The following ULBP2 variants were observed in gnomAD, a reference collection of about 807,000 sequenced individuals.
ULBP2 encodes the protein UL16 binding protein 2.
ULBP2 carries 21 observed loss-of-function variants against 23.6 expected under a neutral mutation model. The observed-to-expected ratio is 0.89, with a 90% CI of 0.63 to 1.28. ULBP2 has a LOEUF of 1.28. Among genes scored for constraint, ULBP2 ranks in the 50% most tolerant of loss-of-function variants. The pLI, the probability that ULBP2 is intolerant of heterozygous loss-of-function variation, is 0.00. For synonymous variants in ULBP2, 82 were observed against 112.8 expected (o/e 0.73, Z 1.73); for missense variants, 251 against 306.0 (o/e 0.82, Z 1.34).
Position 149,947,203 on chromosome 6 carries a change from G to C in ULBP2, c.632-117G>C, listed in dbSNP as rs1039063599. On this transcript the variant is annotated intron_variant, in intron 3 of 4. Coordinates refer to ENST00000367351, the MANE Select transcript of ULBP2 (RefSeq NM_025217.4). ...TGTCATACTGGCTGCCCCACACCAG[G>C]GGGGAGAGGACAAAACTTTTGCCTT... 112 of 1,587,956 alleles carry C rather than the reference G, an allele frequency of 7.1e-5. 4 individuals are homozygous for C. The South Asian group carries it at 7.9e-4, about 11-fold the overall frequency.
In ULBP2 at chr6:149,945,457, G is replaced by A. The variant is rs761441280; in HGVS notation, c.234G>A (p.Gly78=). 6.2e-7 allele frequency: 1 copy of A among 1,614,024 alleles called. No homozygotes were observed. The highest frequency in any genetic ancestry group is 8.5e-7 in the Non-Finnish European group (1 of 1,179,886). ...CAGTCACACCTGTCAGTCCCCTGGGGAAGAAACTAAATGTCACAACGGCCT... is the reference window on the plus strand; with the variant it reads ...CAGTCACACCTGTCAGTCCCCTGGGAAAGAAACTAAATGTCACAACGGCCT... ...NKTVTPVSPL[G]KKLNVTTAWK... The change falls in exon 2 of 5, where the codon GGG becomes GGA. Residue 78 remains glycine (G), a synonymous_variant. Transcript: ENST00000367351.
intron 4 of ULBP2, among the ~76,000 whole-genome samples, chr6:149,948,310 CAAG>C (rs1431917217): frequency 1.3e-5 from 2 of 152,144 alleles, no homozygotes; most frequent in East Asian, 3.9e-4. Flanking sequence ...AGGAGAGGCT[CAAG>C]AAGAAGGGGA....
At position 149,945,564 on chromosome 6, in the gene ULBP2, C is replaced by T. The variant is rs78868048; in HGVS notation, c.341C>T (p.Thr114Ile). ...QLRDIQLENYTPKEPLTLQAR... is the reference protein window; with the variant it reads ...QLRDIQLENYIPKEPLTLQAR... ...CGTGACATTCAGCTGGAGAATTACACACCCAAGGGTAAGTTTCAGATGGCC... is the reference window on the plus strand; with the variant it reads ...CGTGACATTCAGCTGGAGAATTACATACCCAAGGGTAAGTTTCAGATGGCC... Residue 114 changes from threonine to isoleucine, a missense_variant, in exon 2 of 5, where the codon ACA (threonine) becomes ATA (isoleucine). This residue lies in a region of ULBP2 where 248 missense variants were observed against 258.9 expected (regional missense o/e 0.96). Transcript: ENST00000367351. The T allele has an allele frequency of 6.5e-4, 1,046 of 1,613,804 alleles. 4 individuals are homozygous for T. The African/African-American group carries it at 0.013, about 19-fold the overall frequency.
At position 149,945,395 on chromosome 6, in the gene ULBP2, GAA is replaced by G. The variant is rs1272766039; in HGVS notation, c.175_176del (p.Lys59AspfsTer6). On this transcript the variant is annotated frameshift_variant, in exon 2 of 5. Transcript: ENST00000367351. LOFTEE classifies it high-confidence loss of function. ...GTGTGCGGTTCAAGGCCAGGTGGAT[GAA>G]AAGACTTTTCTTCACTATGACTGTG... Reference protein sequence around the residue: ...RWCAVQGQVDEKTFLHYDCGN... With the variant: ...RWCAVQGQVDXKTFLHYDCGN... 6.2e-6 allele frequency: 10 copies of G among 1,613,524 alleles called. No homozygotes were observed. Among genetic ancestry groups the G allele is most frequent in the Non-Finnish European group, 7.6e-6 (9 of 1,179,880 alleles).
In ULBP2 at chr6:149,946,381, C is replaced by T; in HGVS notation, c.359C>T (p.Thr120Ile). Residue 120 changes from threonine to isoleucine, a missense_variant, in exon 3 of 5, where the codon ACC (threonine) becomes ATC (isoleucine). Physicochemically the swap from Thr to Ile is moderately conservative, Grantham distance 89. Transcript: ENST00000367351. ...TCTCTGATGGGGGCAGAACCCCTCA[C>T]CCTGCAGGCAAGGATGTCTTGTGAG... ...LENYTPKEPL[T>I]LQARMSCEQK... 1.2e-6 allele frequency: 2 copies of T among 1,613,090 alleles called. No individual in the cohort carries two copies. Among genetic ancestry groups the T allele is most frequent in the Non-Finnish European group, 1.7e-6 (2 of 1,179,234 alleles).
At chr6:149,947,119 C>A (rs1320126331) in intron 3 of ULBP2, among the ~76,000 whole-genome samples, 2 of 151,996 alleles carry the variant, frequency 1.3e-5, no homozygotes, top group African/African-American at 2.4e-5. Context: ...CTTCCCTCAG[C>A]AGCTGTGTGA....
At chr6:149,948,691 C>A (rs1778979560) in intron 4 of ULBP2, 32 bp from the exon 5 acceptor site, 1 of 456,560 alleles carries the variant, frequency 2.2e-6, no homozygotes, top group Admixed American at 2.3e-5. Flanking sequence ...GGTTCTCTGC[C>A]CCTTAAACCA....
At chr6:149,945,800 G>A (rs1213257371) in intron 2 of ULBP2, among the ~76,000 whole-genome samples, 1 of 152,160 alleles carries the variant, frequency 6.6e-6, no homozygotes, top group Admixed American at 6.5e-5. Flanking sequence ...AATTAGCCAG[G>A]CATGGTGGCG....
At chr6:149,943,639 C>T (rs941338675) in intron 1 of ULBP2, among the ~76,000 whole-genome samples, 7 of 151,940 alleles carry the variant, frequency 4.6e-5, no homozygotes, top group Non-Finnish European at 1.0e-4. Flanking sequence ...GCTCTGAGGC[C>T]TTCAGCAATA....
chr6:149,945,400 G>T lies in ULBP2; in HGVS notation c.177G>T (p.Lys59Asn). The T allele has an allele frequency of 1.2e-6, 2 of 1,613,762 alleles. No homozygotes were observed. Among genetic ancestry groups the T allele is most frequent in the South Asian group, 1.1e-5 (1 of 91,072 alleles). ...WCAVQGQVDE[K>N]TFLHYDCGNK... is the part of the protein sequence containing the mutation. ...CGGTTCAAGGCCAGGTGGATGAAAA[G>T]ACTTTTCTTCACTATGACTGTGGCA... is the stretch of plus-strand genomic sequence containing the variant. The change falls in exon 2 of 5, where the codon AAG (lysine) becomes AAT (asparagine). Residue 59 changes from lysine to asparagine, a missense_variant. Physicochemically the swap from Lys to Asn is moderately conservative, Grantham distance 94. Transcript: ENST00000367351.
chr6:149,944,201 G>A (rs1177719791), intron 1 of ULBP2, among the ~76,000 whole-genome samples: 3 of 152,054 alleles, frequency 2.0e-5, no homozygotes, highest in Admixed American at 6.5e-5. Context: ...AAGCAGCCTC[G>A]TTCTTGATGG....
Position 149,946,510 on chromosome 6 carries a change from C to T in ULBP2, c.488C>T (p.Pro163Leu). ...AAGAGAATGTGGACAACGGTTCATC[C>T]TGGAGCCAGAAAGATGAAAGAAAAG... is the stretch of plus-strand genomic sequence containing the variant. The part of the protein sequence containing the change: ...SEKRMWTTVH[P>L]GARKMKEKWE... Residue 163 changes from proline to leucine, a missense_variant, in exon 3 of 5, where the codon CCT (proline) becomes CTT (leucine). By Grantham distance (98) the Pro-to-Leu change is moderately conservative. Coordinates refer to ENST00000367351, the MANE Select transcript of ULBP2 (RefSeq NM_025217.4). 1 of 1,614,132 alleles carries T rather than the reference C, an allele frequency of 6.2e-7. No individual in the cohort carries two copies. Among genetic ancestry groups the T allele is most frequent in the Non-Finnish European group, 8.5e-7 (1 of 1,180,030 alleles).
chr6:149,948,909 C>T lies in ULBP2; in HGVS notation c.*209C>T, dbSNP rs1486134167. The T allele has an allele frequency of 6.4e-5, 22 of 344,786 alleles. No homozygotes were observed. The highest frequency in any genetic ancestry group is 9.2e-5 in the Non-Finnish European group (16 of 173,246). 21.4% of individuals were successfully genotyped at this position (344,786 alleles called of 1,614,324 possible). A position where few individuals can be genotyped will look rare whatever the true frequency, so the allele number is the denominator to read the frequency against. On this transcript the variant is annotated 3_prime_UTR_variant, in exon 5 of 5. Transcript: ENST00000367351. ...GCCAACAATTTTACCAGCAGTTATA[C>T]CTAACATATTATGCAATTTTCTCTT...
chr6:149,946,966 C>T (rs1167911078), intron 3 of ULBP2, among the ~76,000 whole-genome samples: 2 of 152,138 alleles, frequency 1.3e-5, no homozygotes, highest in Admixed American at 6.5e-5. Flanking sequence ...TTGAGAATCA[C>T]TTTTCCTTTC....
At chr6:149,947,979 C>G (rs1156740504) in intron 4 of ULBP2, among the ~76,000 whole-genome samples, 4 of 152,230 alleles carry the variant, frequency 2.6e-5, no homozygotes, top group Non-Finnish European at 5.9e-5. Flanking sequence ...GGCTGCCTTC[C>G]CACAGAAAGT....
chr6:149,949,057 C>A lies in ULBP2; in HGVS notation c.*357C>A, dbSNP rs1312364898. 1.0e-5 allele frequency: 2 copies of A among 193,870 alleles called. No homozygotes were observed. The highest frequency in any genetic ancestry group is 1.7e-4 in the South Asian group (2 of 11,630). The allele number at this position is 193,870 out of a possible 1,614,324, so 12.0% of individuals were successfully genotyped here. A position where few individuals can be genotyped will look rare whatever the true frequency, so the allele number is the denominator to read the frequency against. On this transcript the variant is annotated 3_prime_UTR_variant, in exon 5 of 5. Transcript: ENST00000367351. ...TCTTTGAATGATGATCTCTTTCTTG[C>A]AAATGATATTGTCAGTAAAATAATC...
intron 1 of ULBP2, among the ~76,000 whole-genome samples, chr6:149,942,376 G>A (rs948031556): frequency 1.3e-5 from 2 of 152,196 alleles, no homozygotes; most frequent in Non-Finnish European, 2.9e-5. Context: ...GTGGAAAGGA[G>A]GCTGGCAGGA....
chr6:149,946,330 A>G, intron 2 of ULBP2, 42 bp from the exon 3 acceptor site: 1 of 1,583,272 alleles, frequency 6.3e-7, no homozygotes, highest in Non-Finnish European at 8.6e-7. Flanking sequence ...GGGGGTGCAA[A>G]ATTTGTCAAG....
Position 149,946,590 on chromosome 6 carries a change from T to C in ULBP2, c.568T>C (p.Cys190Arg), listed in dbSNP as rs758152309. The part of the protein sequence containing the change: ...MSFHYFSMGD[C>R]IGWLEDFLMG... ...CTTCCATTACTTCTCAATGGGAGAC[T>C]GTATAGGATGGCTTGAGGACTTCTT... Residue 190 changes from cysteine (C) to arginine (R), a missense_variant, in exon 3 of 5, where the codon TGT becomes CGT. By Grantham distance (180) the Cys-to-Arg change is radical. This residue lies in a region of ULBP2 where 248 missense variants were observed against 258.9 expected (regional missense o/e 0.96). Transcript: ENST00000367351. 4 of 1,614,028 alleles carry C rather than the reference T, an allele frequency of 2.5e-6. No individual in the cohort carries two copies. In the African/African-American group the frequency reaches 5.3e-5, roughly 22 times the overall value.
Sources: gnomAD v4.1 joint callset for allele counts (sites outside exome capture counted in the v4.1 genomes callset) on GRCh38, gnomAD v4.1.1 for gene constraint, gnomAD v4.1.1 regional missense constraint, MANE v1.5 for transcripts, NCBI Gene and HGNC (gene_info 2026-07-23, HGNC 2026-07-21) for gene names.